SDK1: variants seen among roughly 807,000 people sequenced by gnomAD.
SDK1 encodes the protein sidekick cell adhesion molecule 1.
In SDK1, 157 loss-of-function variants were observed where a neutral mutation model predicts 245.5. That is an observed-to-expected ratio of 0.64 (90% CI 0.56 to 0.73). The LOEUF is 0.73. Ranked by LOEUF, SDK1 falls within the 30% of genes least tolerant of loss-of-function variation. The pLI, the probability that SDK1 is intolerant of heterozygous loss-of-function variation, is 0.00. For synonymous variants in SDK1, 1,647 were observed against 1,278.5 expected, an observed-to-expected ratio of 1.29 and a Z score of -6.15; for missense variants, 3,583 against 3,002.3, an observed-to-expected ratio of 1.19 and a Z score of -4.52.
chr7:4,178,564 G>T lies in SDK1; in HGVS notation c.5076G>T (p.Val1692=). Residue 1692 remains valine (V), a synonymous_variant, in exon 35 of 45, where the codon GTG becomes GTT. Transcript: ENST00000404826. ...GCGAGAGCCCAGCCAGCGCGCCCGT[G>T]GAGGTCTTTGTCGGCGAGGCTGGTA... is the stretch of plus-strand genomic sequence containing the variant. ...IIGESPASAP[V]EVFVGEAAPA... 2 of 1,612,550 alleles carry T rather than the reference G, an allele frequency of 1.2e-6. No homozygotes were observed. The highest frequency in any genetic ancestry group is 8.5e-7 in the Non-Finnish European group (1 of 1,179,866).
intron 22 of SDK1, among the ~76,000 whole-genome samples, chr7:4,089,266 G>T (rs1420914585): frequency 1.3e-5 from 2 of 152,236 alleles, no homozygotes; most frequent in East Asian, 3.9e-4. Flanking sequence ...GGTGCTCAGT[G>T]CCTCCCAATC....
chr7:3,581,112 G>T (rs1332792668), intron 1 of SDK1, among the ~76,000 whole-genome samples: 1 of 151,840 alleles, frequency 6.6e-6, no homozygotes, highest in Non-Finnish European at 1.5e-5. Context: ...TTGACAAATG[G>T]GATCTAATTA....
intron 4 of SDK1, among the ~76,000 whole-genome samples, chr7:3,715,904 C>T (rs982326638): frequency 6.6e-6 from 1 of 152,026 alleles, no homozygotes; most frequent in Non-Finnish European, 1.5e-5. Flanking sequence ...TATTCATTCT[C>T]CTTGAACAAA....
At chr7:4,012,351 C>T (rs1421227177) in intron 16 of SDK1, 116 bp downstream of exon 16, 8 of 1,156,752 alleles carry the variant, frequency 6.9e-6, no homozygotes, top group Non-Finnish European at 9.2e-6. Flanking sequence ...AGGAGTCAGG[C>T]CAGGTGTGAG....
chr7:3,791,260 C>G (rs1434951158), intron 4 of SDK1, among the ~76,000 whole-genome samples: 3 of 152,002 alleles, frequency 2.0e-5, no homozygotes, highest in Non-Finnish European at 4.4e-5. Context: ...TTGTGCTGGA[C>G]TAGATGAATC....
chr7:4,075,357 C>G (rs903752488), intron 20 of SDK1, among the ~76,000 whole-genome samples: 1 of 152,162 alleles, frequency 6.6e-6, no homozygotes, highest in Non-Finnish European at 1.5e-5. Flanking sequence ...TATAAAGTCT[C>G]AAGATGCTGT....
Position 3,950,981 on chromosome 7 carries a change from A to G in SDK1, c.906A>G (p.Arg302=). The change falls in exon 6 of 45, where the codon AGA becomes AGG. Residue 302 remains arginine (R), a synonymous_variant. Transcript: ENST00000404826. The part of the protein sequence containing the change: ...APTIVVPPGN[R]SVVAGSSETT... ...CCATTGTGGTTCCCCCGGGCAACAG[A>G]AGTGTGGTGGCTGGATCCAGTGAGA... 6.2e-7 allele frequency: 1 copy of G among 1,614,026 alleles called. No homozygotes were observed. The highest frequency in any genetic ancestry group is 8.5e-7 in the Non-Finnish European group (1 of 1,179,990).
intron 2 of SDK1, 143 bp downstream of exon 2, chr7:3,619,382 TG>T: frequency 1.5e-6 from 1 of 657,650 alleles, no homozygotes; most frequent in East Asian, 2.8e-5. Flanking sequence ...GATTTGAATA[TG>T]TAATTAGAAT....
intron 4 of SDK1, among the ~76,000 whole-genome samples, chr7:3,692,242 G>A (rs1218132724): frequency 1.3e-5 from 2 of 151,648 alleles, no homozygotes; most frequent in Non-Finnish European, 2.9e-5. Context: ...AGACAACTAA[G>A]AAAAAAATAG....
In SDK1 at chr7:4,012,079, C is replaced by T. The variant is rs116071697; in HGVS notation, c.2280-16C>T. The T allele has an allele frequency of 4.3e-3, 6,367 of 1,492,362 alleles. 225 individuals are homozygous for T. In the African/African-American group the frequency reaches 0.073, roughly 17 times the overall value. 92.4% of individuals were successfully genotyped at this position (1,492,362 alleles called of 1,614,324 possible). A position where few individuals can be genotyped will look rare whatever the true frequency, so the allele number is the denominator to read the frequency against. On this transcript the variant is annotated splice_polypyrimidine_tract_variant and intron_variant, in intron 15 of 44. Coordinates refer to ENST00000404826, the MANE Select transcript of SDK1 (RefSeq NM_152744.4). ...GGTACTCATCTCTCTTGTTCCTACCCGTCTTTTATTTATAGGTTGATGCTA... is the reference window on the plus strand; with the variant it reads ...GGTACTCATCTCTCTTGTTCCTACCTGTCTTTTATTTATAGGTTGATGCTA...
chr7:3,408,628 A>G (rs1262036508), intron 1 of SDK1, among the ~76,000 whole-genome samples: 4 of 152,072 alleles, frequency 2.6e-5, no homozygotes, highest in Admixed American at 6.6e-5. Flanking sequence ...TGTTGAACTG[A>G]TATTCTTTTT....
chr7:4,219,548 AG>A (rs1785020663), intron 38 of SDK1, among the ~76,000 whole-genome samples: 1 of 152,230 alleles, frequency 6.6e-6, no homozygotes, highest in African/African-American at 2.4e-5. Flanking sequence ...CCACGAGAAC[AG>A]AATGGGAGAA....
At chr7:3,377,417 G>A (rs752009476) in intron 1 of SDK1, among the ~76,000 whole-genome samples, 10 of 152,154 alleles carry the variant, frequency 6.6e-5, no homozygotes, top group Non-Finnish European at 1.5e-4. Context: ...TGGACTGCAG[G>A]CTCTGGAATG....
At chr7:4,084,740 T>G (rs1275012525) in intron 22 of SDK1, among the ~76,000 whole-genome samples, 1 of 151,164 alleles carries the variant, frequency 6.6e-6, no homozygotes, top group Non-Finnish European at 1.5e-5. Flanking sequence ...TGTTGTTACT[T>G]AAATGTATAT....
intron 22 of SDK1, among the ~76,000 whole-genome samples, chr7:4,096,309 G>T (rs570797538): frequency 6.6e-6 from 1 of 152,192 alleles, no homozygotes; most frequent in Non-Finnish European, 1.5e-5. Context: ...GTGGCCACAG[G>T]CAAGGCCAGG....
At position 3,908,415 on chromosome 7, in the gene SDK1, T is replaced by G. The variant is rs543789737; in HGVS notation, c.848-42508T>G. Among the ~76,000 whole-genome samples, 18 of 152,258 alleles carry G rather than the reference T, an allele frequency of 1.2e-4. No individual in the cohort carries two copies. In the South Asian group the frequency reaches 3.1e-3, roughly 26 times the overall value. On this transcript the variant is annotated intron_variant, in intron 5 of 44. Coordinates refer to ENST00000404826, the MANE Select transcript of SDK1 (RefSeq NM_152744.4). ...CTCGTGTCCCGACAGCGTCGACACA[T>G]CCCTTCATACACGGCTGGCCAGATG...
chr7:3,381,930 C>T (rs1462540909), intron 1 of SDK1, among the ~76,000 whole-genome samples: 1 of 152,054 alleles, frequency 6.6e-6, no homozygotes, highest in East Asian at 1.9e-4. Context: ...CCTACTAGTA[C>T]TACAGATAAT....
Position 3,951,746 on chromosome 7 carries a change from A to G in SDK1, c.976A>G (p.Ser326Gly). Residue 326 changes from serine (S) to glycine (G), a missense_variant, in exon 7 of 45, where the codon AGT (serine) becomes GGT (glycine). Transcript: ENST00000404826. ...TTCCCACAGGCCTGTGGAGGACCTGAGTGTGACCTGGAAGAGGAATGGAGT... is the reference window on the plus strand; with the variant it reads ...TTCCCACAGGCCTGTGGAGGACCTGGGTGTGACCTGGAAGAGGAATGGAGT... The part of the protein sequence containing the change: ...IASARPVEDL[S>G]VTWKRNGVRI... 3.7e-6 allele frequency: 6 copies of G among 1,613,406 alleles called. No homozygotes were observed. The highest frequency in any genetic ancestry group is 5.1e-6 in the Non-Finnish European group (6 of 1,179,982).
At chr7:3,383,488 T>C (rs1235812309) in intron 1 of SDK1, among the ~76,000 whole-genome samples, 2 of 152,186 alleles carry the variant, frequency 1.3e-5, no homozygotes, top group Non-Finnish European at 2.9e-5. Flanking sequence ...TGTGAAGCGG[T>C]TTTAGCCATC....
Sources: allele counts gnomAD v4.1 joint callset (sites outside exome capture counted in the v4.1 genomes callset), GRCh38; gene constraint gnomAD v4.1.1; transcripts MANE v1.5; gene names NCBI Gene and HGNC (gene_info 2026-07-23, HGNC 2026-07-21).